The following AOPEP variants were observed in gnomAD, a reference collection of about 807,000 sequenced individuals.
AOPEP encodes the protein aminopeptidase O (putative).
In AOPEP, 77 loss-of-function variants were observed where a neutral mutation model predicts 98.1. The ratio of observed to expected loss-of-function variants is 0.78; its 90% CI spans 0.65 to 0.95. The LOEUF (loss-of-function observed/expected upper bound fraction) is 0.95, where lower values mean the gene tolerates loss of function less well. AOPEP is among the 40% of genes least tolerant of loss of function. AOPEP has a pLI of 0.00. For missense variants in AOPEP, 1,024 were observed against 1,024.7 expected (o/e 1.00, Z 0.01); for synonymous variants, 346 against 365.3 (o/e 0.95, Z 0.60).
chr9:94,879,495 G>T (rs2135809776), intron 5 of AOPEP, among the ~76,000 whole-genome samples: 1 of 152,272 alleles, frequency 6.6e-6, no homozygotes, highest in Middle Eastern at 3.4e-3. Context: ...TTATTTAACT[G>T]CTTTTAACTT....
rs536745481 is a variant in AOPEP at position 94,808,434 on chromosome 9, A to T, written c.1364+7432A>T. On this transcript the variant is annotated intron_variant, in intron 5 of 16. Transcript: ENST00000375315. ...TTCAAAAATGGATTACTTTTTTTTAAAAAAAATTGAATACCAAGTGGGAGT... is the reference window on the plus strand; with the variant it reads ...TTCAAAAATGGATTACTTTTTTTTATAAAAAATTGAATACCAAGTGGGAGT... Among the ~76,000 whole-genome samples, 26 of 151,076 alleles carry T rather than the reference A, an allele frequency of 1.7e-4. No individual in the cohort carries two copies. In the South Asian group the frequency reaches 3.8e-3, roughly 22 times the overall value.
rs1331340856 is a variant in AOPEP at position 95,080,834 on chromosome 9, C to T, written c.2319+54C>T. On this transcript the variant is annotated intron_variant, in intron 15 of 16. Transcript: ENST00000375315. ...TTCTGTAAAGGCTGTCCCTGCACTT[C>T]ACACAGGAATCCACGTTCTCAGTAT... The T allele has an allele frequency of 3.4e-6, 4 of 1,166,138 alleles. No individual in the cohort carries two copies. The East Asian group carries it at 7.0e-5, about 20-fold the overall frequency. The allele number at this position is 1,166,138 out of a possible 1,614,324, so 72.2% of individuals were successfully genotyped here.
chr9:95,087,548 TCCCC>T (rs11301877), downstream of AOPEP, among the ~76,000 whole-genome samples: 7 of 145,862 alleles, frequency 4.8e-5, no homozygotes, highest in Non-Finnish European at 8.9e-5. Flanking sequence ...ATTCTGGTGT[TCCCC>T]CCCCACCTCA....
intron 5 of AOPEP, among the ~76,000 whole-genome samples, chr9:94,882,334 G>T (rs2047683438): frequency 1.3e-5 from 2 of 152,190 alleles, no homozygotes; most frequent in African/African-American, 4.8e-5. Context: ...TTTTTGCAAA[G>T]AATCATTTAA....
At position 94,846,082 on chromosome 9, in the gene AOPEP, C is replaced by T. The variant is rs536485540; in HGVS notation, c.1364+45080C>T. 1.1e-4 allele frequency among the ~76,000 whole-genome samples: 16 copies of T among 141,702 alleles called. No individual in the cohort carries two copies. The East Asian group carries it at 3.3e-3, about 29-fold the overall frequency. 93.0% of individuals were successfully genotyped at this position (141,702 alleles called of 152,430 possible). On this transcript the variant is annotated intron_variant, in intron 5 of 16. Transcript: ENST00000375315. ...TGCACTCCAGCCTGGGCGATGAGAG[C>T]GAGACTCCATCTTAAAAAAAAAAAA...
chr9:94,734,947 C>T (rs1445219534), intron 1 of AOPEP, among the ~76,000 whole-genome samples: 3 of 152,190 alleles, frequency 2.0e-5, no homozygotes, highest in Non-Finnish European at 4.4e-5. Context: ...CCATTTGTGG[C>T]TACAATTCAC....
chr9:94,776,925 T>G (rs1186009350), intron 3 of AOPEP, among the ~76,000 whole-genome samples: 1 of 152,116 alleles, frequency 6.6e-6, no homozygotes, highest in East Asian at 1.9e-4. Flanking sequence ...ATTTTTTTTT[T>G]TTTTTTAGAA....
intron 11 of AOPEP, among the ~76,000 whole-genome samples, chr9:94,999,282 T>G (rs2061419099): frequency 6.6e-6 from 1 of 150,638 alleles, no homozygotes; most frequent in Admixed American, 6.6e-5. Flanking sequence ...AACATGAAAA[T>G]AATGGTAGAA....
At chr9:95,041,732 C>T (rs1025363397) in intron 13 of AOPEP, among the ~76,000 whole-genome samples, 6 of 152,192 alleles carry the variant, frequency 3.9e-5, no homozygotes, top group Non-Finnish European at 5.9e-5. Flanking sequence ...TGGCCCCTGG[C>T]GCTTTGTTTC....
intron 7 of AOPEP, chr9:94,932,958 C>T (rs2055610565): frequency 1.0e-6 from 1 of 985,426 alleles, no homozygotes; most frequent in Non-Finnish European, 1.2e-6. Context: ...ACGATTTGCT[C>T]AGTTTCAAAA....
chr9:94,797,429 C>CA (rs536953016), intron 4 of AOPEP, among the ~76,000 whole-genome samples: 1,386 of 97,412 alleles, frequency 0.014, 12 homozygotes, highest in South Asian at 0.044. Context: ...GACTCCGTCT[C>CA]AAAAAAAAAA....
intron 7 of AOPEP, among the ~76,000 whole-genome samples, chr9:94,944,082 A>C (rs888011372): frequency 3.9e-5 from 6 of 152,170 alleles, no homozygotes; most frequent in Non-Finnish European, 8.8e-5. Flanking sequence ...ACCTACTAGG[A>C]TGGCTACAAT....
the AOPEP span, among the ~76,000 whole-genome samples, chr9:95,138,880 C>T: frequency 5.3e-5 from 8 of 152,220 alleles, no homozygotes; most frequent in East Asian, 3.9e-4. Flanking sequence ...AGTTTGAAAA[C>T]GATGTGTGTT....
intron 3 of AOPEP, among the ~76,000 whole-genome samples, chr9:94,779,039 A>G (rs1349624576): frequency 6.6e-6 from 1 of 151,878 alleles, no homozygotes; most frequent in Non-Finnish European, 1.5e-5. Context: ...AAAAAAAAAA[A>G]GTACACATTT....
At chr9:94,764,513 T>C (rs1839119295) in intron 2 of AOPEP, among the ~76,000 whole-genome samples, 1 of 152,088 alleles carries the variant, frequency 6.6e-6, no homozygotes, top group South Asian at 2.1e-4. Context: ...CTGGGCATGG[T>C]GGCAGGCACC....
chr9:95,110,913 G>A, the AOPEP span: 2 of 1,308,684 alleles, frequency 1.5e-6, no homozygotes, highest in Non-Finnish European at 9.8e-7. Flanking sequence ...CTGTTATTTA[G>A]GAAATGACCA....
intron 1 of AOPEP, among the ~76,000 whole-genome samples, chr9:94,731,936 C>T (rs1164882078): frequency 1.3e-5 from 2 of 151,816 alleles, no homozygotes; most frequent in African/African-American, 4.8e-5. Context: ...AGGCACCTGG[C>T]ACCACACCTG....
In AOPEP at chr9:95,062,913, A is replaced by G. The variant is rs552723937; in HGVS notation, c.2232+2103A>G. ...TCAGAATGTGAAAGGAAAAGTGCTC[A>G]AGGACAGACAGAGTTGAGAGCATGG... On this transcript the variant is annotated intron_variant, in intron 14 of 16. Transcript: ENST00000375315. Among the ~76,000 whole-genome samples the G allele has an allele frequency of 2.0e-5, 3 of 152,352 alleles. No individual in the cohort carries two copies. In the South Asian group the frequency reaches 6.2e-4, roughly 32 times the overall value.
the AOPEP span, among the ~76,000 whole-genome samples, chr9:95,096,374 G>C: frequency 2.6e-5 from 4 of 152,136 alleles, no homozygotes; most frequent in African/African-American, 9.7e-5. Flanking sequence ...AGTGGCTTCA[G>C]AACTCGCCCT....
Sources: gnomAD v4.1 joint callset for allele counts (sites outside exome capture counted in the v4.1 genomes callset) on GRCh38, gnomAD v4.1.1 for gene constraint, MANE v1.5 for transcripts, NCBI Gene and HGNC (gene_info 2026-07-23, HGNC 2026-07-21) for gene names.